DMD: variants seen among roughly 807,000 people sequenced by gnomAD.
DMD encodes mutant dystrophin.
In DMD, 63 loss-of-function variants were observed where a neutral mutation model predicts 330.1. That is an observed-to-expected ratio of 0.19 (90% CI 0.16 to 0.24). The LOEUF is 0.24. Ranked by LOEUF, DMD falls within the 10% of genes least tolerant of loss-of-function variation. DMD has a pLI of 1.00. For synonymous variants in DMD, 1,223 were observed against 959.8 expected (o/e 1.27, Z -5.07); for missense variants, 3,344 against 2,684.1 (o/e 1.25, Z -5.43).
chrX:31,405,874 A>G (rs1276275799), intron 60 of DMD, among the ~76,000 whole-genome samples: 1 of 112,101 alleles, frequency 8.9e-6, no homozygotes, highest in Non-Finnish European at 1.9e-5. Context: ...GAAAGTTCCA[A>G]TAATAGATGC....
At chrX:33,057,193 T>G (rs1319505030) in intron 1 of DMD, among the ~76,000 whole-genome samples, 1 of 111,593 alleles carries the variant, frequency 9.0e-6, no homozygotes, top group African/African-American at 3.3e-5. Flanking sequence ...GCTTCTACAA[T>G]AGCAAAATTC....
At chrX:32,708,183 A>G (rs1326666453) in intron 7 of DMD, among the ~76,000 whole-genome samples, 2 of 111,752 alleles carry the variant, frequency 1.8e-5, no homozygotes, top group African/African-American at 3.3e-5. Flanking sequence ...TCTTTCTGGT[A>G]TATTTTGGGA....
At chrX:31,449,779 T>TAGATAGATAGATAG (rs1205052509) in intron 59 of DMD, among the ~76,000 whole-genome samples, 40 of 90,419 alleles carry the variant, frequency 4.4e-4, no homozygotes, top group African/African-American at 1.5e-3. Flanking sequence ...TATATATATA[T>TAGATAGATAGATAG]ATATATATAT....
At chrX:31,721,730 A>ATC (rs1569293722) in intron 52 of DMD, among the ~76,000 whole-genome samples, 59 of 77,990 alleles carry the variant, frequency 7.6e-4, no homozygotes, top group African/African-American at 3.2e-3. Context: ...ATATATATAT[A>ATC]TATATATATA....
intron 60 of DMD, among the ~76,000 whole-genome samples, chrX:31,380,202 T>C (rs1050644964): frequency 1.4e-4 from 16 of 110,798 alleles, no homozygotes; most frequent in Admixed American, 1.9e-4. Flanking sequence ...GGTGCCAACT[T>C]AGACGATACT....
chrX:31,612,326 C>T (rs2077969531), intron 55 of DMD, among the ~76,000 whole-genome samples: 1 of 112,029 alleles, frequency 8.9e-6, no homozygotes, highest in Non-Finnish European at 1.9e-5. Flanking sequence ...CTTTTAACTT[C>T]TTGTTCAAGA....
At chrX:31,697,479 G>GAAGTGTCAAATTGGAA (rs2083518837) in intron 52 of DMD, among the ~76,000 whole-genome samples, 1 of 111,325 alleles carries the variant, frequency 9.0e-6, no homozygotes, top group Admixed American at 9.5e-5. Flanking sequence ...CAGGATGACA[G>GAAGTGTCAAATTGGAA]ACTGAGACCC....
In DMD at chrX:31,121,939, CAA is replaced by C. The variant is rs751483072; in HGVS notation, c.11047-11_11047-10del. 8.5e-6 allele frequency: 10 copies of C among 1,172,977 alleles called. No individual in the cohort carries two copies. In the South Asian group the frequency reaches 1.2e-4, roughly 15 times the overall value. On this transcript the variant is annotated splice_polypyrimidine_tract_variant and intron_variant, in intron 78 of 78. Coordinates refer to ENST00000357033, the MANE Select transcript of DMD (RefSeq NM_004006.3). ...ACTTCCTACATTGTGTCCTGGAAAA[CAA>C]AGAGAAAGAAAGACAGACTTTACAA...
intron 1 of DMD, among the ~76,000 whole-genome samples, chrX:33,095,324 C>T (rs1032087808): frequency 8.9e-6 from 1 of 112,390 alleles, no homozygotes; most frequent in African/African-American, 3.2e-5. Flanking sequence ...ACAGAAATAG[C>T]GAACAACATA....
At chrX:31,998,116 A>G (rs1391577658) in intron 44 of DMD, among the ~76,000 whole-genome samples, 2 of 111,689 alleles carry the variant, frequency 1.8e-5, no homozygotes. Flanking sequence ...TCAGCCCATG[A>G]CAAAAACTAC....
intron 9 of DMD, among the ~76,000 whole-genome samples, chrX:32,680,617 A>G (rs2062337575): frequency 8.9e-6 from 1 of 112,497 alleles, no homozygotes; most frequent in Non-Finnish European, 1.9e-5. Flanking sequence ...AATGCCCAAT[A>G]TTTGTTAAAA....
intron 7 of DMD, among the ~76,000 whole-genome samples, chrX:32,794,996 C>G (rs1264367897): frequency 8.9e-6 from 1 of 112,013 alleles, no homozygotes; most frequent in Non-Finnish European, 1.9e-5. Flanking sequence ...ACTGACAAAA[C>G]AAATTGAAGA....
At chrX:31,235,569 T>C (rs1219048398) in intron 63 of DMD, among the ~76,000 whole-genome samples, 1 of 112,641 alleles carries the variant, frequency 8.9e-6, no homozygotes, top group Non-Finnish European at 1.9e-5. Context: ...CAATAAATGA[T>C]GGTGCTCAAT....
intron 7 of DMD, among the ~76,000 whole-genome samples, chrX:32,708,285 GT>G (rs11382915): frequency 6.6e-4 from 66 of 100,189 alleles, no homozygotes; most frequent in South Asian, 8.9e-4. Context: ...AAATGATCAG[GT>G]TTTTTTTTTT....
intron 30 of DMD, among the ~76,000 whole-genome samples, chrX:32,395,227 T>C (rs1310041505): frequency 8.9e-6 from 1 of 111,875 alleles, no homozygotes; most frequent in Non-Finnish European, 1.9e-5. Flanking sequence ...CGTATGTTGA[T>C]AGCATTTAGT....
chrX:32,410,603 T>G lies in DMD; in HGVS notation c.4233+1149A>C, dbSNP rs767502455. On this transcript the variant is annotated intron_variant, in intron 30 of 78. Coordinates refer to ENST00000357033, the MANE Select transcript of DMD (RefSeq NM_004006.3). ...CTGGCAGGGAGAAGGCTTTGAGATT[T>G]GCAGCTAACCTTCTAGTGCTCCTCT... is the stretch of plus-strand genomic sequence containing the variant. Among the ~76,000 whole-genome samples the G allele has an allele frequency of 2.7e-5, 3 of 111,904 alleles. No individual in the cohort carries two copies. In the South Asian group the frequency reaches 1.1e-3, roughly 42 times the overall value.
intron 16 of DMD, among the ~76,000 whole-genome samples, chrX:32,558,168 T>A (rs926583512): frequency 3.3e-4 from 37 of 111,534 alleles, no homozygotes; most frequent in African/African-American, 1.2e-3. Context: ...TTAAATTGTC[T>A]TTAGTACAAA....
At chrX:31,639,409 G>A (rs1025028534) in intron 54 of DMD, among the ~76,000 whole-genome samples, 28 of 111,821 alleles carry the variant, frequency 2.5e-4, no homozygotes, top group Admixed American at 2.3e-3. Flanking sequence ...AATTTTACAC[G>A]TAAACATAAG....
intron 1 of DMD, among the ~76,000 whole-genome samples, chrX:33,184,401 T>G (rs1430505080): frequency 9.0e-6 from 1 of 111,666 alleles, no homozygotes; most frequent in Non-Finnish European, 1.9e-5. Flanking sequence ...AATCCGATTT[T>G]GAAATATAAG....
Sources: gnomAD v4.1 joint callset for allele counts (sites outside exome capture counted in the v4.1 genomes callset) on GRCh38, gnomAD v4.1.1 for gene constraint, MANE v1.5 for transcripts, NCBI Gene and HGNC (gene_info 2026-07-23, HGNC 2026-07-21) for gene names.